Variants in EVI5 observed in about 807,000 individuals in gnomAD.
EVI5 encodes ecotropic viral integration site 5 protein homolog.
EVI5 carries 73 observed loss-of-function variants against 112.0 expected under a neutral mutation model. The ratio of observed to expected loss-of-function variants is 0.65; its 90% CI spans 0.54 to 0.79. The LOEUF (loss-of-function observed/expected upper bound fraction) is 0.79. Ranked by LOEUF, EVI5 falls within the 30% of genes least tolerant of loss-of-function variation. The pLI is 0.00. For missense variants in EVI5, 900 were observed against 968.8 expected (o/e 0.93, Z 0.94); for synonymous variants, 305 against 319.9 (o/e 0.95, Z 0.50).
intron 19 of EVI5, among the ~76,000 whole-genome samples, chr1:92,543,136 G>A (rs1665104252): frequency 6.6e-6 from 1 of 152,110 alleles, no homozygotes; most frequent in Admixed American, 6.6e-5. Flanking sequence ...AGCCATAGAG[G>A]GCATCTTCCT....
At chr1:92,577,712 T>C (rs1047474343) in intron 18 of EVI5, among the ~76,000 whole-genome samples, 2 of 152,220 alleles carry the variant, frequency 1.3e-5, no homozygotes, top group Non-Finnish European at 2.9e-5. Flanking sequence ...AAAGGGAGGA[T>C]CTGCCATAAA....
rs557111435 is a variant in EVI5, at chr1:92,647,675, C to T, written c.1393-11339G>A. 18 of 293,556 alleles carry T rather than the reference C, an allele frequency of 6.1e-5. No homozygotes were observed. In the South Asian group the frequency reaches 6.2e-4, roughly 10 times the overall value. 18.2% of individuals were successfully genotyped at this position (293,556 alleles called of 1,614,324 possible). Reference sequence around the variant, plus strand: ...AAATTGCTTCTTCCTTCCTGGTCACCTAGCAAGAGGGAAGGTGAAGGGGGC... The same window carrying T: ...AAATTGCTTCTTCCTTCCTGGTCACTTAGCAAGAGGGAAGGTGAAGGGGGC... On this transcript the variant is annotated intron_variant, in intron 13 of 19. Coordinates refer to ENST00000684568, the MANE Select transcript of EVI5 (RefSeq NM_001350197.2).
chr1:92,756,752 C>T, intron 1 of EVI5: 2 of 495,944 alleles, frequency 4.0e-6, no homozygotes, highest in South Asian at 3.1e-5. Flanking sequence ...ATGGTATCTA[C>T]TATGCACGCC....
At chr1:92,687,277 C>CA (rs1668715026) in intron 9 of EVI5, among the ~76,000 whole-genome samples, 1 of 151,902 alleles carries the variant, frequency 6.6e-6, no homozygotes, top group Non-Finnish European at 1.5e-5. Flanking sequence ...CTGACAAAAA[C>CA]AAAAAATGGG....
intron 1 of EVI5, among the ~76,000 whole-genome samples, chr1:92,779,158 C>T (rs551399355): frequency 2.0e-5 from 3 of 152,162 alleles, no homozygotes; most frequent in South Asian, 4.2e-4. Context: ...ACCAGTCTTC[C>T]GAGGAGGGCC....
intron 2 of EVI5, among the ~76,000 whole-genome samples, chr1:92,729,005 A>G (rs1027388127): frequency 2.1e-4 from 32 of 152,206 alleles, no homozygotes; most frequent in Admixed American, 6.5e-5. Context: ...AAAAGTAGTG[A>G]TGCTGGCAAT....
chr1:92,580,053 T>C (rs1256610369), intron 18 of EVI5, among the ~76,000 whole-genome samples: 2 of 152,236 alleles, frequency 1.3e-5, no homozygotes, highest in Non-Finnish European at 2.9e-5. Context: ...GACAATGTAT[T>C]TTTGTTGGAA....
At chr1:92,583,877 T>A in intron 18 of EVI5, among the ~76,000 whole-genome samples, 1 of 152,144 alleles carries the variant, frequency 6.6e-6, no homozygotes, top group Admixed American at 6.5e-5. Flanking sequence ...GCTATTAACA[T>A]TTACAACATG....
At chr1:92,786,239 A>AGG (rs1558263649), upstream of EVI5, among the ~76,000 whole-genome samples, 10 of 147,600 alleles carry the variant, frequency 6.8e-5, no homozygotes, top group South Asian at 2.2e-4. Context: ...ATTTCAGAAA[A>AGG]AAAAAAAAAA....
At chr1:92,616,086 T>G (rs2101691750) in intron 16 of EVI5, among the ~76,000 whole-genome samples, 1 of 152,298 alleles carries the variant, frequency 6.6e-6, no homozygotes, top group African/African-American at 2.4e-5. Context: ...GATGGCCCAC[T>G]GTGAGAGAGC....
intron 1 of EVI5, among the ~76,000 whole-genome samples, chr1:92,748,575 A>G (rs1294536754): frequency 1.3e-5 from 2 of 152,380 alleles, no homozygotes; most frequent in East Asian, 3.9e-4. Flanking sequence ...ATATCACATT[A>G]TCCCACAAAA....
chr1:92,607,533 G>A (rs200558372), intron 17 of EVI5, 48 bp downstream of exon 17: 6 of 1,283,756 alleles, frequency 4.7e-6, no homozygotes, highest in Non-Finnish European at 5.3e-6. Context: ...CAAAAAAAAG[G>A]CATTATTATA....
At position 92,511,164 on chromosome 1, in the gene EVI5, A is replaced by G. The variant is rs200680469; in HGVS notation, c.*2492T>C. 1.3e-5 allele frequency: 2 copies of G among 152,170 alleles called. No individual in the cohort carries two copies. The highest frequency in any genetic ancestry group is 2.9e-5 in the Non-Finnish European group (2 of 68,032). The allele number at this position is 152,170 out of a possible 1,614,324, so 9.4% of individuals were successfully genotyped here. On this transcript the variant is annotated 3_prime_UTR_variant, in exon 20 of 20. Transcript: ENST00000684568. ...AATTATGTTGTCAAAAAAGCAGGGA[A>G]TTGCCAGGTGTGGTGGCTTACGTCT...
intron 18 of EVI5, among the ~76,000 whole-genome samples, chr1:92,570,111 C>T (rs1364060054): frequency 3.3e-5 from 5 of 151,818 alleles, no homozygotes. Context: ...AAAAAAAACA[C>T]GAGGAAGAAT....
At chr1:92,735,737 TATAATC>T (rs1382556007) in intron 2 of EVI5, among the ~76,000 whole-genome samples, 2 of 143,118 alleles carry the variant, frequency 1.4e-5, no homozygotes, top group African/African-American at 5.1e-5. Context: ...TATAATATAA[TATAATC>T]ATATTAAAAT....
chr1:92,582,464 G>A (rs1672094167), intron 18 of EVI5, among the ~76,000 whole-genome samples: 1 of 152,108 alleles, frequency 6.6e-6, no homozygotes, highest in African/African-American at 2.4e-5. Flanking sequence ...TAAATGATGA[G>A]AAGGTATCAG....
chr1:92,758,660 A>C (rs1681341756), intron 1 of EVI5, among the ~76,000 whole-genome samples: 1 of 152,154 alleles, frequency 6.6e-6, no homozygotes, highest in East Asian at 1.9e-4. Context: ...AAGAACTCAA[A>C]TTACACATAT....
intron 19 of EVI5, among the ~76,000 whole-genome samples, chr1:92,560,440 T>G: frequency 6.6e-6 from 1 of 152,236 alleles, no homozygotes; most frequent in East Asian, 1.9e-4. Context: ...TGGGTCTATT[T>G]CTTGGACCTA....
intron 19 of EVI5, among the ~76,000 whole-genome samples, chr1:92,543,196 C>T (rs546406780): frequency 6.6e-6 from 1 of 152,266 alleles, no homozygotes; most frequent in Admixed American, 6.5e-5. Context: ...TTTGGGGTGG[C>T]CTCCTTCATC....
Sources: gnomAD v4.1 joint callset for allele counts (sites outside exome capture counted in the v4.1 genomes callset) on GRCh38, gnomAD v4.1.1 for gene constraint, MANE v1.5 for transcripts, NCBI Gene and HGNC (gene_info 2026-07-23, HGNC 2026-07-21) for gene names.